The following MAL variants were observed in gnomAD, a reference collection of about 807,000 sequenced individuals.
MAL encodes myelin and lymphocyte protein.
MAL carries 5 observed loss-of-function variants against 16.7 expected under a neutral mutation model. That is an observed-to-expected ratio of 0.30 (90% CI 0.16 to 0.63). The LOEUF (loss-of-function observed/expected upper bound fraction) is 0.63. Among genes scored for constraint, MAL ranks in the 30% least tolerant of loss-of-function variants. The pLI, the probability that MAL is intolerant of heterozygous loss-of-function variation, is 0.82. For synonymous variants in MAL, 96 were observed against 85.5 expected, an observed-to-expected ratio of 1.12 and a Z score of -0.67; for missense variants, 202 against 195.8, an observed-to-expected ratio of 1.03 and a Z score of -0.19.
chr2:95,046,950 G>GA (rs1347181024), intron 1 of MAL, among the ~76,000 whole-genome samples: 1 of 132,492 alleles, frequency 7.5e-6, no homozygotes, highest in Admixed American at 8.1e-5. Flanking sequence ...GAAAGAAAGA[G>GA]AAAAAAGAAA....
At chr2:95,031,598 A>G (rs1347104915) in intron 1 of MAL, among the ~76,000 whole-genome samples, 1 of 152,210 alleles carries the variant, frequency 6.6e-6, no homozygotes, top group African/African-American at 2.4e-5. Context: ...TGAGGTTCTC[A>G]CAAGTCAGAC....
At chr2:95,048,301 G>T (rs1251449400) in intron 2 of MAL, among the ~76,000 whole-genome samples, 175 bp downstream of exon 2, 2 of 152,150 alleles carry the variant, frequency 1.3e-5, no homozygotes, top group Non-Finnish European at 2.9e-5. Flanking sequence ...GGAGAGGCAG[G>T]GGCAGAGGCA....
At chr2:95,047,831 GC>G in intron 1 of MAL, 127 bp from the exon 2 acceptor site, 2 of 864,952 alleles carry the variant, frequency 2.3e-6, no homozygotes, top group East Asian at 5.3e-5. Context: ...GAAAATGCCT[GC>G]CCTGTTCTCT....
chr2:95,025,779 G>A lies in MAL; in HGVS notation c.-14G>A. ...GCGCTCGTCCCGTCCCAAGGCCGAC[G>A]CCAGCACGCCGTCATGGCCCCCGCA... On this transcript the variant is annotated 5_prime_UTR_variant, in exon 1 of 4. Coordinates refer to ENST00000309988, the MANE Select transcript of MAL (RefSeq NM_002371.4). The surrounding 1 kb of genome is among the most constrained non-coding windows in gnomAD (Gnocchi z 5.6). 1 of 1,528,418 alleles carries A rather than the reference G, an allele frequency of 6.5e-7. No individual in the cohort carries two copies. Among genetic ancestry groups the A allele is most frequent in the Non-Finnish European group, 8.8e-7 (1 of 1,135,458 alleles). 94.7% of individuals were successfully genotyped at this position (1,528,418 alleles called of 1,614,324 possible). A position where few individuals can be genotyped will look rare whatever the true frequency, so the allele number is the denominator to read the frequency against.
intron 1 of MAL, among the ~76,000 whole-genome samples, chr2:95,039,712 G>GT (rs1674396365): frequency 1.8e-5 from 2 of 109,114 alleles, no homozygotes. Flanking sequence ...GACTGAGTGA[G>GT]GACTGAGTGA....
At chr2:95,036,643 CAGTG>C (rs576662182) in intron 1 of MAL, among the ~76,000 whole-genome samples, 83 of 152,256 alleles carry the variant, frequency 5.5e-4, no homozygotes, top group African/African-American at 1.5e-3. Flanking sequence ...GTGAGTGAGT[CAGTG>C]AGTGAGTAAG....
intron 1 of MAL, among the ~76,000 whole-genome samples, chr2:95,041,987 T>C (rs185703471): frequency 9.3e-4 from 141 of 151,742 alleles, no homozygotes; most frequent in African/African-American, 3.2e-3. Flanking sequence ...CATACCAGGG[T>C]TGGGAGGGGC....
At chr2:95,052,579 G>A (rs1234988994) in intron 3 of MAL, among the ~76,000 whole-genome samples, 5 of 152,188 alleles carry the variant, frequency 3.3e-5, no homozygotes, top group Non-Finnish European at 5.9e-5. Flanking sequence ...AATGGACGTC[G>A]TGCCTGAGCT....
At chr2:95,051,748 C>T (rs1674726374) in intron 3 of MAL, 1 of 152,184 alleles carries the variant, frequency 6.6e-6, no homozygotes, top group African/African-American at 2.4e-5. Context: ...AATTGAGAAC[C>T]AGAGTGTTCT....
At chr2:95,029,641 T>C (rs1674028595) in intron 1 of MAL, among the ~76,000 whole-genome samples, 1 of 152,178 alleles carries the variant, frequency 6.6e-6, no homozygotes, top group African/African-American at 2.4e-5. Flanking sequence ...GATATGCACA[T>C]TGTCATTTTC....
chr2:95,047,646 AG>A (rs1198008420), intron 1 of MAL, among the ~76,000 whole-genome samples: 1 of 152,214 alleles, frequency 6.6e-6, no homozygotes. Flanking sequence ...ACTTGAACCC[AG>A]GAGGCAGAGG....
intron 1 of MAL, among the ~76,000 whole-genome samples, chr2:95,032,891 T>C (rs542302967): frequency 6.6e-6 from 1 of 152,126 alleles, no homozygotes; most frequent in Non-Finnish European, 1.5e-5. Context: ...TATGCCAGGA[T>C]TGGGTGAATC....
chr2:95,034,093 C>T (rs772697716), intron 1 of MAL, among the ~76,000 whole-genome samples: 34 of 152,384 alleles, frequency 2.2e-4, no homozygotes, highest in Admixed American at 5.9e-4. Context: ...CCGCCCCCAT[C>T]ACCTTTGCCA....
At chr2:95,039,728 TGA>T (rs1472385523) in intron 1 of MAL, among the ~76,000 whole-genome samples, 2 of 11,972 alleles carry the variant, frequency 1.7e-4, no homozygotes, top group Non-Finnish European at 2.8e-4. Context: ...AGTGAGTGAC[TGA>T]GTGAGTGAGT....
At chr2:95,046,934 G>T (rs946348893) in intron 1 of MAL, among the ~76,000 whole-genome samples, 1 of 144,944 alleles carries the variant, frequency 6.9e-6, no homozygotes. Flanking sequence ...AAGAGAGAAA[G>T]AGAAAGAAAG....
intron 1 of MAL, chr2:95,026,384 C>T (rs566816850): frequency 9.8e-5 from 15 of 152,402 alleles, no homozygotes; most frequent in African/African-American, 3.1e-4. Flanking sequence ...TTATTTTCTT[C>T]TGGCCTTTTA....
intron 1 of MAL, among the ~76,000 whole-genome samples, chr2:95,035,165 G>A (rs568742031): frequency 3.3e-5 from 5 of 152,270 alleles, no homozygotes; most frequent in South Asian, 2.1e-4. Context: ...GCCTTCTGTC[G>A]CCTCTGGCAG....
intron 1 of MAL, among the ~76,000 whole-genome samples, chr2:95,040,122 TACACACACAC>T (rs140877183): frequency 6.7e-6 from 1 of 149,912 alleles, no homozygotes; most frequent in South Asian, 2.1e-4. Context: ...TCTACCTACC[TACACACACAC>T]ACACACACAC....
At chr2:95,053,042 C>T (rs527882002) in intron 3 of MAL, 79 of 237,302 alleles carry the variant, frequency 3.3e-4, no homozygotes, top group Non-Finnish European at 5.7e-4. Flanking sequence ...TGGAGAGTTA[C>T]CTGCCTGAGA....
Sources: allele counts gnomAD v4.1 joint callset (sites outside exome capture counted in the v4.1 genomes callset), GRCh38; gene constraint gnomAD v4.1.1; non-coding constraint Gnocchi (gnomAD v3.1); transcripts MANE v1.5; gene names NCBI Gene and HGNC (gene_info 2026-07-23, HGNC 2026-07-21).